Variants in UBASH3B observed in about 807,000 individuals in gnomAD.
The protein encoded by UBASH3B is ubiquitin-associated and SH3 domain-containing protein B.
Under a neutral mutation model 83.4 loss-of-function variants are expected in UBASH3B, and 37 were observed. The observed-to-expected ratio is 0.44, with a 90% CI of 0.34 to 0.58. UBASH3B has a LOEUF of 0.58. Ranked by LOEUF, UBASH3B falls within the 20% of genes least tolerant of loss-of-function variation. The probability of loss-of-function intolerance (pLI) is 0.01; values close to 1 mark genes in which losing one functional copy is unlikely to be tolerated. For missense variants in UBASH3B, 657 were observed against 827.2 expected (o/e 0.79, Z 2.52); for synonymous variants, 304 against 318.3 (o/e 0.96, Z 0.48).
rs140102241 is a variant in UBASH3B at position 122,726,539 on chromosome 11, G to A, written c.162-49680G>A. Among the ~76,000 whole-genome samples the A allele has an allele frequency of 2.0e-4, 31 of 151,922 alleles. No individual in the cohort carries two copies. The East Asian group carries it at 5.8e-3, about 29-fold the overall frequency. ...TAATTTTTGTATTTTTAGTAGAGAC[G>A]GGGTTTCACATGTTGGCCAGGCTGG... On this transcript the variant is annotated intron_variant, in intron 1 of 13. Transcript: ENST00000284273.
intron 5 of UBASH3B, among the ~76,000 whole-genome samples, chr11:122,784,915 T>C (rs1444176297): frequency 6.6e-6 from 1 of 152,120 alleles, no homozygotes; most frequent in Non-Finnish European, 1.5e-5. Context: ...TGACATCTCC[T>C]AGAGTCACGT....
chr11:122,773,634 C>G (rs1291148011), intron 1 of UBASH3B, among the ~76,000 whole-genome samples: 3 of 152,202 alleles, frequency 2.0e-5, no homozygotes, highest in Non-Finnish European at 4.4e-5. Context: ...AAACCAGGGA[C>G]CTCTCAGATC....
Position 122,801,322 on chromosome 11 carries a change from A to G in UBASH3B, c.1585A>G (p.Thr529Ala). 6.2e-7 allele frequency: 1 copy of G among 1,614,108 alleles called. No homozygotes were observed. The highest frequency in any genetic ancestry group is 8.5e-7 in the Non-Finnish European group (1 of 1,180,026). The change falls in exon 11 of 14, where the codon ACA becomes GCA. Residue 529 changes from threonine (T) to alanine (A), a missense_variant. Thr to Ala is a moderately conservative substitution (Grantham distance 58). Transcript: ENST00000284273. ...ELAAANLSVD[T>A]TYRPHIPISK... ...AGCTGCAGCCAACCTGAGTGTTGAT[A>G]CAACCTACAGGTAAGCCTCGGAAAC...
At chr11:122,773,846 C>G (rs1879885) in intron 1 of UBASH3B, among the ~76,000 whole-genome samples, 146,966 of 152,304 alleles carry the variant, frequency 0.96, 71,167 homozygotes, top group Middle Eastern at 1. Flanking sequence ...TTAAATTTCA[C>G]TCGGATATAT....
intron 1 of UBASH3B, among the ~76,000 whole-genome samples, chr11:122,707,517 AG>A: frequency 6.6e-6 from 1 of 152,080 alleles, no homozygotes; most frequent in Non-Finnish European, 1.5e-5. Context: ...CTAAGTTGTG[AG>A]GTTTCTGACA....
chr11:122,666,593 A>C (rs1555131591), intron 1 of UBASH3B, among the ~76,000 whole-genome samples: 1 of 151,316 alleles, frequency 6.6e-6, no homozygotes, highest in Non-Finnish European at 1.5e-5. Context: ...TGATTTTTGT[A>C]TTTTTAGTAG....
intron 1 of UBASH3B, among the ~76,000 whole-genome samples, chr11:122,663,638 C>G (rs961525941): frequency 2.6e-5 from 4 of 152,222 alleles, no homozygotes; most frequent in Admixed American, 1.3e-4. Flanking sequence ...ACTATCACTG[C>G]CTCCCCAATC....
chr11:122,708,495 T>A (rs1864153163), intron 1 of UBASH3B, among the ~76,000 whole-genome samples: 1 of 152,124 alleles, frequency 6.6e-6, no homozygotes, highest in South Asian at 2.1e-4. Context: ...GGTTTCACCA[T>A]GTTGGCCAGG....
intron 5 of UBASH3B, among the ~76,000 whole-genome samples, chr11:122,783,941 CTTT>C (rs35464960): frequency 3.5e-5 from 5 of 142,336 alleles, no homozygotes; most frequent in Admixed American, 7.0e-5. Context: ...ATAATATTGC[CTTT>C]TTTTTTTTTT....
chr11:122,746,292 T>C (rs966053780), intron 1 of UBASH3B, among the ~76,000 whole-genome samples: 3 of 152,146 alleles, frequency 2.0e-5, no homozygotes, highest in African/African-American at 7.2e-5. Flanking sequence ...GACACAGAGC[T>C]CTTTCGGTAG....
intron 2 of UBASH3B, 87 bp downstream of exon 2, chr11:122,776,359 A>G (rs1860734428): frequency 3.2e-6 from 4 of 1,250,286 alleles, no homozygotes; most frequent in Non-Finnish European, 4.5e-6. Context: ...GACTTTCTCT[A>G]ATGGACCCTT....
At chr11:122,739,773 A>C (rs1285120935) in intron 1 of UBASH3B, among the ~76,000 whole-genome samples, 2 of 152,208 alleles carry the variant, frequency 1.3e-5, no homozygotes, top group Non-Finnish European at 2.9e-5. Flanking sequence ...AAGAGTTTTT[A>C]CATTTGGGGC....
At chr11:122,742,325 C>G (rs946751190) in intron 1 of UBASH3B, among the ~76,000 whole-genome samples, 2 of 152,226 alleles carry the variant, frequency 1.3e-5, no homozygotes, top group East Asian at 3.8e-4. Flanking sequence ...ACAGGAGTCT[C>G]TCGTTTCAGT....
intron 1 of UBASH3B, among the ~76,000 whole-genome samples, chr11:122,706,724 G>C (rs1218910965): frequency 2.0e-5 from 3 of 152,178 alleles, no homozygotes; most frequent in South Asian, 2.1e-4. Flanking sequence ...GGAGTACCAA[G>C]AAGAAACATA....
intron 1 of UBASH3B, among the ~76,000 whole-genome samples, chr11:122,744,980 G>T (rs1203525991): frequency 6.6e-6 from 1 of 151,968 alleles, no homozygotes; most frequent in Non-Finnish European, 1.5e-5. Flanking sequence ...TTCCTTGCAG[G>T]GGACCAGCCT....
intron 1 of UBASH3B, among the ~76,000 whole-genome samples, chr11:122,702,460 T>G (rs1177522661): frequency 6.6e-6 from 1 of 151,926 alleles, no homozygotes. Context: ...AACCCTAGGT[T>G]GCAAGAAACG....
intron 1 of UBASH3B, among the ~76,000 whole-genome samples, chr11:122,752,887 G>A (rs964656707): frequency 1.1e-4 from 17 of 152,020 alleles, no homozygotes; most frequent in African/African-American, 4.1e-4. Context: ...AACCTTTGAG[G>A]ATAGTATTAT....
chr11:122,671,625 A>C (rs1203156059), intron 1 of UBASH3B, among the ~76,000 whole-genome samples: 1 of 152,242 alleles, frequency 6.6e-6, no homozygotes, highest in African/African-American at 2.4e-5. Flanking sequence ...CACTTTATCC[A>C]TCAGGCCTTG....
chr11:122,700,093 A>T (rs1864022884), intron 1 of UBASH3B, among the ~76,000 whole-genome samples: 2 of 152,110 alleles, frequency 1.3e-5, no homozygotes, highest in South Asian at 4.1e-4. Flanking sequence ...ACTAGCGGAG[A>T]CCCGACATGC....
Sources: allele counts gnomAD v4.1 joint callset (sites outside exome capture counted in the v4.1 genomes callset), GRCh38; gene constraint gnomAD v4.1.1; transcripts MANE v1.5; gene names NCBI Gene and HGNC (gene_info 2026-07-23, HGNC 2026-07-21).